Variants in PLEC observed in about 807,000 individuals in gnomAD.
PLEC encodes the protein hemidesmosomal protein 1.
PLEC carries 216 observed loss-of-function variants against 392.8 expected under a neutral mutation model. The observed-to-expected ratio is 0.55, with a 90% CI of 0.49 to 0.62. The LOEUF (loss-of-function observed/expected upper bound fraction) is 0.62, where lower values mean the gene tolerates loss of function less well. Ranked by LOEUF, PLEC falls within the 20% of genes least tolerant of loss-of-function variation. PLEC has a pLI of 0.00. For missense variants in PLEC, 6,863 were observed against 6,563.4 expected, an observed-to-expected ratio of 1.05 and a Z score of -1.58; for synonymous variants, 3,621 against 2,980.6, an observed-to-expected ratio of 1.21 and a Z score of -7.00.
chr8:143,932,782 G>C lies in PLEC; in HGVS notation c.1737+11C>G, dbSNP rs554677505. 11 of 1,611,828 alleles carry C rather than the reference G, an allele frequency of 6.8e-6. No homozygotes were observed. The African/African-American group carries it at 1.3e-4, about 20-fold the overall frequency. On this transcript the variant is annotated intron_variant, in intron 14 of 31. Coordinates refer to ENST00000345136, the MANE Select transcript of PLEC (RefSeq NM_201384.3). The stretch of plus-strand genomic sequence containing the variant: ...CCACCCCCGCACTGCCCATCGCTCA[G>C]CGCCACCCACCTCGTCACTCCGTGC...
Position 143,931,632 on chromosome 8 carries a change from C to A in PLEC, c.2206G>T (p.Gly736Trp). ...QFFSDVREAE[G>W]QLQKLQEALR... ...GCCTCCTGCAGCTTCTGCAACTGCC[C>A]CTCGGCCTCCCGCACATCTGAGAAG... Residue 736 changes from glycine (G) to tryptophan (W), a missense_variant, in exon 19 of 32, where the codon GGG becomes TGG. Coordinates refer to ENST00000345136, the MANE Select transcript of PLEC (RefSeq NM_201384.3). 4 of 1,600,460 alleles carry A rather than the reference C, an allele frequency of 2.5e-6. No homozygotes were observed. In the South Asian group the frequency reaches 4.5e-5, roughly 18 times the overall value.
intron 1 of PLEC, among the ~76,000 whole-genome samples, chr8:143,959,608 C>T (rs7010588): frequency 0.095 from 14,512 of 152,332 alleles, 941 homozygotes; most frequent in Non-Finnish European, 0.14. Context: ...GCTCCAACAC[C>T]GGGTGCTGGG....
Position 143,920,731 on chromosome 8 carries a change from C to A in PLEC, c.9090G>T (p.Trp3030Cys). Residue 3030 changes from tryptophan (W) to cysteine (C), a missense_variant, in exon 32 of 32, where the codon TGG (tryptophan) becomes TGT (cysteine). Physicochemically the swap from Trp to Cys is radical, Grantham distance 215. Coordinates refer to ENST00000345136, the MANE Select transcript of PLEC (RefSeq NM_201384.3). ...TCAGCTTCTGCCCCGCCTCCTCCAGCCATACACCCGCGATGACGTTGGCAC... is the reference window on the plus strand; with the variant it reads ...TCAGCTTCTGCCCCGCCTCCTCCAGACATACACCCGCGATGACGTTGGCAC... ...LRGANVIAGV[W>C]LEEAGQKLSI... is the part of the protein sequence containing the mutation. 1 of 1,604,012 alleles carries A rather than the reference C, an allele frequency of 6.2e-7. No homozygotes were observed. Among genetic ancestry groups the A allele is most frequent in the Non-Finnish European group, 8.5e-7 (1 of 1,179,910 alleles).
At chr8:143,940,913 C>G (rs1830345509), upstream of PLEC, among the ~76,000 whole-genome samples, 1 of 152,182 alleles carries the variant, frequency 6.6e-6, no homozygotes, top group East Asian at 1.9e-4. Context: ...GGTCTCTGAG[C>G]CTGGCATGAG....
Position 143,920,773 on chromosome 8 carries a change from C to T in PLEC, c.9048G>A (p.Val3016=). 1 of 1,606,806 alleles carries T rather than the reference C, an allele frequency of 6.2e-7. No individual in the cohort carries two copies. Among genetic ancestry groups the T allele is most frequent in the Non-Finnish European group, 8.5e-7 (1 of 1,179,914 alleles). ...CGTTGGCACCCCGGAGAGCCCGCCG[C>T]ACAGTGTCCACCTCGGCTACGTCTC... ...SVRDVAEVDT[V]RRALRGANVI... is the part of the protein sequence containing the mutation. Residue 3016 remains valine, a synonymous_variant, in exon 32 of 32, where the codon GTG becomes GTA. Transcript: ENST00000345136.
chr8:143,947,723 C>T (rs1490787244), intron 1 of PLEC, among the ~76,000 whole-genome samples: 1 of 152,224 alleles, frequency 6.6e-6, no homozygotes, highest in Non-Finnish European at 1.5e-5. Context: ...GCACTCCAGC[C>T]TGGGCAACAG....
chr8:143,943,195 C>T (rs1554730103), upstream of PLEC, among the ~76,000 whole-genome samples: 1 of 152,222 alleles, frequency 6.6e-6, no homozygotes, highest in Non-Finnish European at 1.5e-5. Context: ...CAGCCAGGTC[C>T]CCGATAGGCA....
upstream of PLEC, among the ~76,000 whole-genome samples, chr8:143,956,879 TCAGC>T (rs1554739393): frequency 4.4e-4 from 67 of 152,284 alleles, no homozygotes; most frequent in African/African-American, 1.6e-3. Context: ...TGGGAAGGGC[TCAGC>T]CAGCTGCACG....
In PLEC at chr8:143,938,201, C is replaced by T. The variant is rs782449006; in HGVS notation, c.214G>A (p.Asp72Asn). ...HISDLYEDLR[D>N]GHNLISLLEV... ...AGCAGGGAGATGAGGTTGTGGCCATCGCGGAGGTCTTCATACAGGTCACTG... is the reference window on the plus strand; with the variant it reads ...AGCAGGGAGATGAGGTTGTGGCCATTGCGGAGGTCTTCATACAGGTCACTG... Residue 72 changes from aspartate to asparagine, a missense_variant, in exon 3 of 32, where the codon GAT (aspartate) becomes AAT (asparagine). Physicochemically the swap from Asp to Asn is conservative, Grantham distance 23. Transcript: ENST00000345136. 6 of 1,608,134 alleles carry T rather than the reference C, an allele frequency of 3.7e-6. No homozygotes were observed. The East Asian group carries it at 6.7e-5, about 18-fold the overall frequency.
intron 25 of PLEC, among the ~76,000 whole-genome samples, chr8:143,928,542 G>A (rs1554709686): frequency 1.1e-5 from 1 of 90,460 alleles, no homozygotes; most frequent in East Asian, 2.3e-4. Context: ...TGCAACACAG[G>A]AAGAGGTGGC....
rs200446289 is a variant in PLEC, at chr8:143,920,352, C to T, written c.9469G>A (p.Ala3157Thr). 19 of 1,594,650 alleles carry T rather than the reference C, an allele frequency of 1.2e-5. No individual in the cohort carries two copies. The highest frequency in any genetic ancestry group is 1.7e-4 in the Middle Eastern group (1 of 6,012). The change falls in exon 32 of 32, where the codon GCC becomes ACC. Residue 3157 changes from alanine to threonine, a missense_variant. Transcript: ENST00000345136. ...SKSHRVPLDV[A>T]CARGCLDEET... Reference sequence around the variant, plus strand: ...TCATCCAGGCAGCCTCGGGCGCAGGCGACATCCAGGGGCACGCGGTGGCTC... The same window carrying T: ...TCATCCAGGCAGCCTCGGGCGCAGGTGACATCCAGGGGCACGCGGTGGCTC...
chr8:143,928,059 C>CA, intron 25 of PLEC, 67 bp from the exon 26 acceptor site: 2 of 1,512,230 alleles, frequency 1.3e-6, no homozygotes, highest in Admixed American at 2.0e-5. Context: ...GAATGGAACC[C>CA]AAGCCACAGC....
At position 143,939,493 on chromosome 8, in the gene PLEC, C is replaced by T. The variant is rs782319240; in HGVS notation, c.-32G>A. On this transcript the variant is annotated 5_prime_UTR_variant, in exon 1 of 32. Transcript: ENST00000345136. ...CCCACACCTTCGTCGCCCGGACCCT[C>T]GGCCTCAGGCACGGTGCTCTGGGCA... 26 of 1,592,646 alleles carry T rather than the reference C, an allele frequency of 1.6e-5. No homozygotes were observed. In the African/African-American group the frequency reaches 1.9e-4, roughly 11 times the overall value.
rs782429088 is a variant in PLEC at position 143,917,018 on chromosome 8, G to A, written c.12803C>T (p.Ala4268Val). The A allele has an allele frequency of 8.7e-6, 14 of 1,612,296 alleles. No individual in the cohort carries two copies. The highest frequency in any genetic ancestry group is 1.3e-5 in the African/African-American group (1 of 74,928). Residue 4268 changes from alanine (A) to valine (V), a missense_variant, in exon 32 of 32, where the codon GCC becomes GTC. Physicochemically the swap from Ala to Val is moderately conservative, Grantham distance 64. Transcript: ENST00000345136. ...CTCCTCAGTGGGGTCTGACCAGGAG[G>A]CCAGCTGGGTCCTGGAGACGGCGGG... ...ISPAVSRTQL[A>V]SWSDPTEETG...
chr8:143,953,672 G>A, upstream of PLEC: 4 of 1,569,196 alleles, frequency 2.5e-6, no homozygotes, highest in Non-Finnish European at 1.7e-6. Flanking sequence ...CACCCAGCCA[G>A]AGGTCACTGT....
At position 143,918,414 on chromosome 8, in the gene PLEC, G is replaced by C. The variant is rs782095788; in HGVS notation, c.11407C>G (p.Gln3803Glu). ...TEEALRLLDA[Q>E]LATGGIVDPR... ...TCCACGATGCCGCCGGTGGCCAGCT[G>C]GGCATCCAGCAGCCGCAGGGCCTCC... The change falls in exon 32 of 32, where the codon CAG becomes GAG. Residue 3803 changes from glutamine (Q) to glutamate (E), a missense_variant. Physicochemically the swap from Gln to Glu is conservative, Grantham distance 29. Coordinates refer to ENST00000345136, the MANE Select transcript of PLEC (RefSeq NM_201384.3). The C allele has an allele frequency of 3.2e-6, 5 of 1,572,740 alleles. No homozygotes were observed. In the South Asian group the frequency reaches 4.6e-5, roughly 14 times the overall value.
rs1554718489 is a variant in PLEC, at chr8:143,932,952, C to T, written c.1578G>A (p.Gln526=). 1 of 1,612,662 alleles carries T rather than the reference C, an allele frequency of 6.2e-7. No individual in the cohort carries two copies. Among genetic ancestry groups the T allele is most frequent in the Non-Finnish European group, 8.5e-7 (1 of 1,179,908 alleles). Residue 526 remains glutamine, a synonymous_variant, in exon 14 of 32, where the codon CAG becomes CAA. Transcript: ENST00000345136. ...TCTCCTCCACCCAGGCCAGCAGGTC[C>T]TGCAGGTAGCGCAGAGTGGAGTCCT... The part of the protein sequence containing the change: ...ELEDSTLRYL[Q]DLLAWVEENQ...
chr8:143,938,469 G>C, intron 2 of PLEC, 162 bp downstream of exon 2: 2 of 1,547,154 alleles, frequency 1.3e-6, no homozygotes, highest in Non-Finnish European at 1.7e-6. Context: ...AGAGAGGCAG[G>C]AGCAGGCGTA....
At chr8:143,942,257 C>CG, upstream of PLEC, 2 of 1,036,258 alleles carry the variant, frequency 1.9e-6, no homozygotes, top group Non-Finnish European at 1.4e-6. Flanking sequence ...TTCCGGAGCT[C>CG]GGGGGCAAGG....
Sources: gnomAD v4.1 joint callset for allele counts (sites outside exome capture counted in the v4.1 genomes callset) on GRCh38, gnomAD v4.1.1 for gene constraint, MANE v1.5 for transcripts, NCBI Gene and HGNC (gene_info 2026-07-23, HGNC 2026-07-21) for gene names.